Variants in VPS13D observed in about 807,000 individuals in gnomAD.
VPS13D encodes the protein intermembrane lipid transfer protein VPS13D.
VPS13D carries 187 observed loss-of-function variants against 461.9 expected under a neutral mutation model. That is an observed-to-expected ratio of 0.40 (90% CI 0.36 to 0.46). The LOEUF (loss-of-function observed/expected upper bound fraction) is 0.46, where lower values mean the gene tolerates loss of function less well. VPS13D is among the 20% of genes least tolerant of loss of function. The probability of loss-of-function intolerance (pLI) is 0.60; values close to 1 mark genes in which losing one functional copy is unlikely to be tolerated. For missense variants in VPS13D, 4,711 were observed against 5,364.9 expected (o/e 0.88, Z 3.81); for synonymous variants, 1,951 against 1,986.3 (o/e 0.98, Z 0.47).
chr1:12,449,107 G>A lies in VPS13D; in HGVS notation c.12334-6891G>A, dbSNP rs577054567. ...GCAACATGGTGTGCATCTTAGGGTAGGAGGGCTTTTAGATCTCCAGAGACC... is the reference window on the plus strand; with the variant it reads ...GCAACATGGTGTGCATCTTAGGGTAAGAGGGCTTTTAGATCTCCAGAGACC... On this transcript the variant is annotated intron_variant, in intron 65 of 69. Transcript: ENST00000620676. Among the ~76,000 whole-genome samples, 59 of 152,124 alleles carry A rather than the reference G, an allele frequency of 3.9e-4. 2 individuals are homozygous for A. In the South Asian group the frequency reaches 0.012, roughly 30 times the overall value.
rs2100562613 is a variant in VPS13D, at chr1:12,505,572, G to C, written c.12795-1281G>C. Among the ~76,000 whole-genome samples, 1 of 152,342 alleles carries C rather than the reference G, an allele frequency of 6.6e-6. No individual in the cohort carries two copies. Among genetic ancestry groups the C allele is most frequent in the Middle Eastern group, 3.4e-3 (1 of 294 alleles). On this transcript the variant is annotated intron_variant, in intron 68 of 69. Transcript: ENST00000620676. The surrounding 1 kb of genome is among the most constrained non-coding windows in gnomAD (Gnocchi z 4.2). ...GGTGGCCAACTCTGTGGGGTGCTCAGGAAGACACGGGGCTGTGAGATATGG... is the reference window on the plus strand; with the variant it reads ...GGTGGCCAACTCTGTGGGGTGCTCACGAAGACACGGGGCTGTGAGATATGG...
chr1:12,240,962 T>TG (rs1276296465), intron 2 of VPS13D, among the ~76,000 whole-genome samples: 1 of 152,088 alleles, frequency 6.6e-6, no homozygotes, highest in African/African-American at 2.4e-5. Context: ...TTTTTAGAGA[T>TG]GGGGTCTAGC....
intron 21 of VPS13D, among the ~76,000 whole-genome samples, chr1:12,285,300 T>TTTA (rs1557686036): frequency 2.0e-4 from 29 of 144,782 alleles, no homozygotes; most frequent in East Asian, 5.8e-4. Flanking sequence ...TTATTTATTT[T>TTTA]TTTTTTTTGA....
In VPS13D at chr1:12,311,565, C is replaced by T. The variant is rs1299498943; in HGVS notation, c.6762C>T (p.Asn2254=). 32 of 1,614,054 alleles carry T rather than the reference C, an allele frequency of 2.0e-5. No individual in the cohort carries two copies. The highest frequency in any genetic ancestry group is 2.7e-5 in the African/African-American group (2 of 74,910). ...TGATCCGCGGCTTATTAGAGAACAA[C>T]CTGGGAGAACCCATAGAGGAATTTA... The part of the protein sequence containing the change: ...YKLIRGLLEN[N]LGEPIEEFMR... Residue 2254 remains asparagine (N), a synonymous_variant, in exon 28 of 70, where the codon AAC becomes AAT. Transcript: ENST00000620676.
chr1:12,349,074 T>TA (rs1643739903), intron 45 of VPS13D, 90 bp from the exon 46 acceptor site: 1 of 1,610,028 alleles, frequency 6.2e-7, no homozygotes, highest in African/African-American at 1.3e-5. Flanking sequence ...GCAGTCAGTA[T>TA]ATATGGTCTG....
intron 23 of VPS13D, among the ~76,000 whole-genome samples, chr1:12,293,259 AAGGTCAGAGCCTC>A (rs1642183992): frequency 6.6e-6 from 1 of 152,188 alleles, no homozygotes; most frequent in Non-Finnish European, 1.5e-5. Flanking sequence ...GGCAGGGAGA[AAGGTCAGAGCCTC>A]AGGTGGCCTC....
intron 63 of VPS13D, among the ~76,000 whole-genome samples, chr1:12,410,806 C>T (rs1644716880): frequency 6.6e-6 from 1 of 152,172 alleles, no homozygotes; most frequent in Non-Finnish European, 1.5e-5. Context: ...CTGGAATGCA[C>T]ATTCAGTTTC....
At position 12,383,150 on chromosome 1, in the gene VPS13D, C is replaced by T. The variant is rs200100914; in HGVS notation, c.11365C>T (p.Leu3789Phe). ...CATCCCAGATGGACCAACTAGAGCA[C>T]TCCAGGTGATAATTTGTCATAAGAG... Reference protein sequence around the residue: ...RVIPDGPTRALQITDFCHRKS... With the variant: ...RVIPDGPTRAFQITDFCHRKS... Residue 3789 changes from leucine (L) to phenylalanine (F), a missense_variant, in exon 58 of 70, where the codon CTC becomes TTC. By Grantham distance (22) the Leu-to-Phe change is conservative. This residue lies in a region of VPS13D where 4,411 missense variants were observed against 4,937.8 expected (regional missense o/e 0.89). Coordinates refer to ENST00000620676, the MANE Select transcript of VPS13D (RefSeq NM_015378.4). The T allele has an allele frequency of 2.4e-4, 385 of 1,609,432 alleles. No individual in the cohort carries two copies. Among genetic ancestry groups the T allele is most frequent in the Non-Finnish European group, 3.0e-4 (355 of 1,178,328 alleles).
Position 12,478,523 on chromosome 1 carries a change from A to C in VPS13D, c.12662+18127A>C, listed in dbSNP as rs1363308591. 3.8e-5 allele frequency: 11 copies of C among 292,222 alleles called. No individual in the cohort carries two copies. In the East Asian group the frequency reaches 8.8e-4, roughly 23 times the overall value. The allele number at this position is 292,222 out of a possible 1,614,324, so 18.1% of individuals were successfully genotyped here. ...CATATCCACAGGGCAAAAGTTTATA[A>C]AGAGTCGAGGCTGTCCTGTTTAACC... On this transcript the variant is annotated intron_variant, in intron 67 of 69. Coordinates refer to ENST00000620676, the MANE Select transcript of VPS13D (RefSeq NM_015378.4).
intron 7 of VPS13D, among the ~76,000 whole-genome samples, chr1:12,254,702 T>C (rs1186912336): frequency 6.6e-6 from 1 of 151,638 alleles, no homozygotes; most frequent in Non-Finnish European, 1.5e-5. Flanking sequence ...GTTTGTATTT[T>C]TAGTAGAGAT....
chr1:12,283,055 G>A lies in VPS13D; in HGVS notation c.4953G>A (p.Glu1651=), dbSNP rs767875733. ...TGAGCTTAAAGTTTCAGGACTTTGA[G>A]GTGGAATTCAGTAAAGACCATCCCC... ...GLVSLKFQDF[E]VEFSKDHPQT... The change falls in exon 21 of 70, where the codon GAG becomes GAA. Residue 1651 remains glutamate, a synonymous_variant. Transcript: ENST00000620676. The A allele has an allele frequency of 1.5e-4, 246 of 1,614,166 alleles. 1 individual carries two copies. Among genetic ancestry groups the A allele is most frequent in the Middle Eastern group, 9.9e-4 (6 of 6,062 alleles).
intron 67 of VPS13D, among the ~76,000 whole-genome samples, chr1:12,466,949 T>TA (rs1645492130): frequency 6.6e-6 from 1 of 152,228 alleles, no homozygotes; most frequent in Non-Finnish European, 1.5e-5. Context: ...CTTTATCTTC[T>TA]ACTCACCCTT....
At chr1:12,348,118 G>A (rs1216780585) in intron 44 of VPS13D, among the ~76,000 whole-genome samples, 1 of 152,124 alleles carries the variant, frequency 6.6e-6, no homozygotes, top group Non-Finnish European at 1.5e-5. Context: ...TAGAAAAAAA[G>A]AAGTTATTAT....
intron 52 of VPS13D, among the ~76,000 whole-genome samples, chr1:12,365,773 A>C (rs988030106): frequency 3.9e-5 from 6 of 152,182 alleles, no homozygotes; most frequent in African/African-American, 9.7e-5. Flanking sequence ...GTGCTATTTC[A>C]ACATGTTTAG....
chr1:12,462,930 A>T (rs114127145), intron 67 of VPS13D, among the ~76,000 whole-genome samples: 1 of 152,280 alleles, frequency 6.6e-6, no homozygotes, highest in Non-Finnish European at 1.5e-5. Context: ...CAGCCCAATG[A>T]AGTTTTACAT....
chr1:12,332,820 T>C (rs2101557932), intron 37 of VPS13D, among the ~76,000 whole-genome samples: 1 of 152,358 alleles, frequency 6.6e-6, no homozygotes, highest in South Asian at 2.1e-4. Flanking sequence ...ATTCAACCAA[T>C]GTATTGGTCC....
chr1:12,297,449 G>A (rs1642308296), intron 24 of VPS13D, among the ~76,000 whole-genome samples: 1 of 152,096 alleles, frequency 6.6e-6, no homozygotes, highest in African/African-American at 2.4e-5. Flanking sequence ...GTAATGCTGT[G>A]CGTTAGAAAT....
chr1:12,368,690 G>A, intron 53 of VPS13D, 99 bp downstream of exon 53: 2 of 1,370,630 alleles, frequency 1.5e-6, no homozygotes, highest in Non-Finnish European at 1.9e-6. Context: ...TTTCAACTTG[G>A]GTTTAAAGGA....
At position 12,276,737 on chromosome 1, in the gene VPS13D, C is replaced by G. The variant is rs770418177; in HGVS notation, c.3149C>G (p.Ala1050Gly). 6.2e-7 allele frequency: 1 copy of G among 1,614,106 alleles called. No homozygotes were observed. The highest frequency in any genetic ancestry group is 8.5e-7 in the Non-Finnish European group (1 of 1,180,026). ...TCTCCTGTCTCTGGACCGAATGTGG[C>G]CCACTTAACTGATGGAGCTACACTG... ...AQSPVSGPNV[A>G]HLTDGATLND... The change falls in exon 19 of 70, where the codon GCC (alanine) becomes GGC (glycine). Residue 1050 changes from alanine (A) to glycine (G), a missense_variant. Physicochemically the swap from Ala to Gly is moderately conservative, Grantham distance 60 (BLOSUM62 0). Coordinates refer to ENST00000620676, the MANE Select transcript of VPS13D (RefSeq NM_015378.4). This position sits in a 1 kb window ranked among gnomAD's most constrained non-coding sequence, Gnocchi z 4.5.
Sources: allele counts gnomAD v4.1 joint callset (sites outside exome capture counted in the v4.1 genomes callset), GRCh38; gene constraint gnomAD v4.1.1; regional missense constraint gnomAD v4.1.1; non-coding constraint Gnocchi (gnomAD v3.1); transcripts MANE v1.5; gene names NCBI Gene and HGNC (gene_info 2026-07-23, HGNC 2026-07-21).